Variants in RB1 observed in about 807,000 individuals in gnomAD.
The protein encoded by RB1 is retinoblastoma-associated protein.
A neutral mutation model predicts 135.4 loss-of-function variants in RB1; 18 were observed. That is an observed-to-expected ratio of 0.13 (90% CI 0.09 to 0.20). The LOEUF is 0.20. RB1 is among the 10% of genes least tolerant of loss of function. The pLI is 1.00. For missense variants in RB1, 868 were observed against 1,110.0 expected, an observed-to-expected ratio of 0.78 and a Z score of 3.10; for synonymous variants, 365 against 373.2, an observed-to-expected ratio of 0.98 and a Z score of 0.25.
At chr13:48,384,008 AATT>A (rs1948555228) in intron 17 of RB1, among the ~76,000 whole-genome samples, 1 of 152,134 alleles carries the variant, frequency 6.6e-6, no homozygotes, top group African/African-American at 2.4e-5. Flanking sequence ...AGGCTTGGAA[AATT>A]GTGGAGGATG....
At chr13:48,361,357 T>G (rs1341289092) in intron 7 of RB1, among the ~76,000 whole-genome samples, 1 of 152,118 alleles carries the variant, frequency 6.6e-6, no homozygotes, top group African/African-American at 2.4e-5. Flanking sequence ...GTAGAGAATT[T>G]CAAATGAATA....
intron 3 of RB1, among the ~76,000 whole-genome samples, chr13:48,343,498 G>T (rs1952465345): frequency 6.6e-6 from 1 of 152,102 alleles, no homozygotes; most frequent in Non-Finnish European, 1.5e-5. Context: ...CAAAGGCCTT[G>T]TATATTTGTA....
At chr13:48,348,915 C>T (rs778939195) in intron 5 of RB1, 41 bp from the exon 6 acceptor site, 3 of 1,582,376 alleles carry the variant, frequency 1.9e-6, no homozygotes, top group Non-Finnish European at 2.6e-6. Context: ...TTCAGTGATA[C>T]ATTTTTCCTG....
At chr13:48,330,710 G>A (rs1249535134) in intron 2 of RB1, among the ~76,000 whole-genome samples, 2 of 152,144 alleles carry the variant, frequency 1.3e-5, no homozygotes, top group African/African-American at 4.8e-5. Context: ...GGCTTCACTG[G>A]TGAATTCTAC....
At chr13:48,404,946 T>C (rs763448716) in intron 17 of RB1, among the ~76,000 whole-genome samples, 8 of 152,210 alleles carry the variant, frequency 5.3e-5, no homozygotes, top group Non-Finnish European at 7.3e-5. Flanking sequence ...ATACTGGATA[T>C]TTTATAACCT....
intron 17 of RB1, among the ~76,000 whole-genome samples, 157 bp from the exon 18 acceptor site, chr13:48,452,836 G>A (rs543456917): frequency 1.3e-5 from 2 of 151,978 alleles, no homozygotes; most frequent in Non-Finnish European, 2.9e-5. Context: ...TGGGAATTTC[G>A]AAGTAGAGAA....
At chr13:48,368,646 T>C in intron 11 of RB1, 42 bp downstream of exon 11, 1 of 1,593,136 alleles carries the variant, frequency 6.3e-7, no homozygotes, top group Non-Finnish European at 8.5e-7. Flanking sequence ...AATTTTGTTA[T>C]TCATGGCTTT....
rs1226865525 is a variant in RB1 at position 48,303,921 on chromosome 13, CA to C, written c.13del (p.Thr5ProfsTer60). On this transcript the variant is annotated frameshift_variant, in exon 1 of 27. Transcript: ENST00000267163. LOFTEE classifies it high-confidence loss of function. Reference protein sequence around the residue: MPPKTPRKTAATAA... With the variant: MPPXTPRKTAATAA... ...CGCCGCGGAAAGGCGTCATGCCGCC[CA>C]AAACCCCCCGAAAAACGGCCGCCAC... 1 of 1,513,088 alleles carries C rather than the reference CA, an allele frequency of 6.6e-7. No individual in the cohort carries two copies. Among genetic ancestry groups the C allele is most frequent in the Non-Finnish European group, 8.8e-7 (1 of 1,137,774 alleles). 93.7% of individuals were successfully genotyped at this position (1,513,088 alleles called of 1,614,324 possible). A position where few individuals can be genotyped will look rare whatever the true frequency, so the allele number is the denominator to read the frequency against.
At chr13:48,354,867 G>A (rs1235294130) in intron 6 of RB1, among the ~76,000 whole-genome samples, 2 of 152,164 alleles carry the variant, frequency 1.3e-5, no homozygotes, top group African/African-American at 4.8e-5. Flanking sequence ...ATATCCATAT[G>A]CAGAAGAATG....
intron 17 of RB1, among the ~76,000 whole-genome samples, chr13:48,393,864 T>C (rs573518161): frequency 6.6e-6 from 1 of 152,340 alleles, no homozygotes; most frequent in African/African-American, 2.4e-5. Context: ...CATACTCTTT[T>C]TCTGTGGTCA....
At position 48,319,157 on chromosome 13, in the gene RB1, G is replaced by A; in HGVS notation, c.264+11751G>A. ...TTCCTTCGGGAGCTTGTGGGGAATG[G>A]TCAGCGTCTAGGCACCCCGGGCAAG... On this transcript the variant is annotated intron_variant, in intron 2 of 26. Coordinates refer to ENST00000267163, the MANE Select transcript of RB1 (RefSeq NM_000321.3). The surrounding 1 kb of genome is among the most constrained non-coding windows in gnomAD (Gnocchi z 5.0). 1 of 606,086 alleles carries A rather than the reference G, an allele frequency of 1.6e-6. No homozygotes were observed. The highest frequency in any genetic ancestry group is 3.9e-5 in the East Asian group (1 of 25,598). The allele number at this position is 606,086 out of a possible 1,614,324, so 37.5% of individuals were successfully genotyped here.
Position 48,376,954 on chromosome 13 carries a change from A to G in RB1, c.1252A>G (p.Arg418Gly). ...TVNPKESILK[R>G]VKDIGYIFKE... is the part of the protein sequence containing the mutation. ...GAATCCAAAAGAAAGTATACTGAAAAGAGTGAAGGATATAGGATACATCTT... is the reference window on the plus strand; with the variant it reads ...GAATCCAAAAGAAAGTATACTGAAAGGAGTGAAGGATATAGGATACATCTT... Residue 418 changes from arginine (R) to glycine (G), a missense_variant, in exon 13 of 27, where the codon AGA (arginine) becomes GGA (glycine). Transcript: ENST00000267163. The G allele has an allele frequency of 6.2e-7, 1 of 1,613,822 alleles. No homozygotes were observed. The highest frequency in any genetic ancestry group is 8.5e-7 in the Non-Finnish European group (1 of 1,179,872).
chr13:48,401,218 A>G (rs950350862), intron 17 of RB1: 1 of 152,174 alleles, frequency 6.6e-6, no homozygotes, highest in Non-Finnish European at 1.5e-5. Flanking sequence ...ATATACTCTT[A>G]TTCAGAGAAT....
At chr13:48,350,167 C>A (rs1952535452) in intron 6 of RB1, among the ~76,000 whole-genome samples, 1 of 152,100 alleles carries the variant, frequency 6.6e-6, no homozygotes, top group African/African-American at 2.4e-5. Flanking sequence ...AAACATCAGA[C>A]TTAATCTGCA....
At chr13:48,472,504 A>G (rs1949477357) in intron 23 of RB1, among the ~76,000 whole-genome samples, 1 of 152,156 alleles carries the variant, frequency 6.6e-6, no homozygotes, top group South Asian at 2.1e-4. Flanking sequence ...ATGAAAATGT[A>G]TACTTAGGTA....
chr13:48,463,489 G>T (rs1259449401), intron 20 of RB1, among the ~76,000 whole-genome samples: 1 of 152,156 alleles, frequency 6.6e-6, no homozygotes, highest in African/African-American at 2.4e-5. Context: ...CAAAGTTAGG[G>T]TAATTTACAA....
chr13:48,473,758 A>T (rs982763971), intron 24 of RB1, among the ~76,000 whole-genome samples: 1 of 152,102 alleles, frequency 6.6e-6, no homozygotes, highest in Non-Finnish European at 1.5e-5. Context: ...GGTGTTCTAC[A>T]ATTCAATTCA....
chr13:48,347,750 A>G (rs1222918755), intron 4 of RB1, 75 bp from the exon 5 acceptor site: 4 of 983,594 alleles, frequency 4.1e-6, no homozygotes, highest in Non-Finnish European at 4.7e-6. Flanking sequence ...AAGAAGATAA[A>G]TAAAGCATGA....
In RB1 at chr13:48,465,007, C is replaced by T. The variant is rs529366765; in HGVS notation, c.2221C>T (p.Arg741Cys). ...LPHAVQETFK[R>C]VLIKEEEYDS... ...TACTGTTCTTCCTCAGACATTCAAA[C>T]GTGTTTTGATCAAAGAAGAGGAGTA... The change falls in exon 22 of 27, where the codon CGT (arginine) becomes TGT (cysteine). Residue 741 changes from arginine (R) to cysteine (C), a missense_variant. This residue lies in a region of RB1 where 196 missense variants were observed against 239.8 expected (regional missense o/e 0.82). Coordinates refer to ENST00000267163, the MANE Select transcript of RB1 (RefSeq NM_000321.3). 2.1e-5 allele frequency: 20 copies of T among 967,298 alleles called. No homozygotes were observed. The highest frequency in any genetic ancestry group is 3.7e-4 in the Middle Eastern group (1 of 2,700). The allele number at this position is 967,298 out of a possible 1,614,324, so 59.9% of individuals were successfully genotyped here.
Sources: gnomAD v4.1 joint callset for allele counts (sites outside exome capture counted in the v4.1 genomes callset) on GRCh38, gnomAD v4.1.1 for gene constraint, gnomAD v4.1.1 regional missense constraint, Gnocchi (gnomAD v3.1) non-coding constraint, MANE v1.5 for transcripts, NCBI Gene and HGNC (gene_info 2026-07-23, HGNC 2026-07-21) for gene names.